Variants in ESRP1 observed in about 807,000 individuals in gnomAD.
ESRP1 encodes RNA-binding motif protein 35A.
A neutral mutation model predicts 81.7 loss-of-function variants in ESRP1; 33 were observed. The ratio of observed to expected loss-of-function variants is 0.40; its 90% confidence interval spans 0.31 to 0.54. ESRP1 has a LOEUF of 0.54. ESRP1 is among the 20% of genes least tolerant of loss of function. The pLI is 0.41. For synonymous variants in ESRP1, 320 were observed against 303.3 expected, an observed-to-expected ratio of 1.06 and a Z score of -0.57; for missense variants, 672 against 833.1, an observed-to-expected ratio of 0.81 and a Z score of 2.38.
chr8:94,691,193 A>G (rs188838851), intron 13 of ESRP1, among the ~76,000 whole-genome samples: 176 of 152,232 alleles, frequency 1.2e-3, no homozygotes, highest in African/African-American at 4.1e-3. Flanking sequence ...ATTTATATCA[A>G]TGTCTGGGTT....
At chr8:94,646,091 T>C in intron 3 of ESRP1, 77 bp from the exon 4 acceptor site, 1 of 742,826 alleles carries the variant, frequency 1.3e-6, no homozygotes, top group Non-Finnish European at 2.2e-6. Flanking sequence ...TTATATTCAA[T>C]TTTTAGGTTC....
chr8:94,691,570 T>C (rs180888698), intron 13 of ESRP1, among the ~76,000 whole-genome samples: 1 of 152,278 alleles, frequency 6.6e-6, no homozygotes, highest in Admixed American at 6.5e-5. Flanking sequence ...ATGAAGGAAT[T>C]AAGTGATTTA....
At chr8:94,699,804 C>T (rs965655431) in intron 15 of ESRP1, among the ~76,000 whole-genome samples, 2 of 152,050 alleles carry the variant, frequency 1.3e-5, no homozygotes, top group African/African-American at 4.8e-5. Context: ...ATAATCTCAC[C>T]ACCCAGAAAC....
chr8:94,696,803 T>G (rs778419092), intron 14 of ESRP1, 49 bp from the exon 15 acceptor site: 1 of 1,370,486 alleles, frequency 7.3e-7, no homozygotes. Flanking sequence ...TTATCCATAG[T>G]GACAGTTTGT....
intron 13 of ESRP1, 84 bp downstream of exon 13, chr8:94,678,455 T>C: frequency 6.8e-7 from 1 of 1,479,322 alleles, no homozygotes; most frequent in Admixed American, 2.1e-5. Context: ...AAAAGAATAT[T>C]GTCTGCCATG....
intron 4 of ESRP1, among the ~76,000 whole-genome samples, chr8:94,649,205 TA>T (rs1306248408): frequency 6.6e-6 from 1 of 151,864 alleles, no homozygotes; most frequent in African/African-American, 2.4e-5. Flanking sequence ...GAGTGAGATT[TA>T]AAAAAAAATT....
At chr8:94,673,302 C>T (rs554866871) in intron 11 of ESRP1, among the ~76,000 whole-genome samples, 1 of 152,276 alleles carries the variant, frequency 6.6e-6, no homozygotes, top group African/African-American at 2.4e-5. Context: ...CTCTCTTTGC[C>T]TCATGTGACC....
intron 4 of ESRP1, among the ~76,000 whole-genome samples, chr8:94,657,953 C>T (rs565381678): frequency 2.7e-4 from 41 of 152,284 alleles, no homozygotes; most frequent in South Asian, 4.1e-4. Context: ...CTCTGTTACC[C>T]GGGCTGGAGT....
intron 3 of ESRP1, 93 bp from the exon 4 acceptor site, chr8:94,646,075 A>G: frequency 1.6e-6 from 1 of 643,698 alleles, no homozygotes; most frequent in Admixed American, 3.1e-5. Context: ...CCATTGTAAA[A>G]TATGCTTATA....
At chr8:94,661,293 C>T (rs1017080980) in intron 4 of ESRP1, among the ~76,000 whole-genome samples, 13 of 152,166 alleles carry the variant, frequency 8.5e-5, no homozygotes, top group Non-Finnish European at 1.3e-4. Context: ...CCTCCCGCCT[C>T]GGCATCCCAA....
chr8:94,671,338 TG>T (rs1819312185), intron 10 of ESRP1, 114 bp from the exon 11 acceptor site: 4 of 737,182 alleles, frequency 5.4e-6, no homozygotes, highest in Admixed American at 6.2e-5. Context: ...TTATTAGGTC[TG>T]GGGTGAGCTG....
rs1819324093 is a variant in ESRP1 at position 94,671,504 on chromosome 8, A to G, written c.1285A>G (p.Ile429Val). The change falls in exon 11 of 16, where the codon ATT becomes GTT. Residue 429 changes from isoleucine (I) to valine (V), a missense_variant. Physicochemically the swap from Ile to Val is conservative, Grantham distance 29 (BLOSUM62 3). Coordinates refer to ENST00000433389, the MANE Select transcript of ESRP1 (RefSeq NM_017697.4). ...TCTCATTCCACTTCCAACCCCTCCCATTATTCCAGTACTACCTCAGCAATT... is the reference window on the plus strand; with the variant it reads ...TCTCATTCCACTTCCAACCCCTCCCGTTATTCCAGTACTACCTCAGCAATT... ...APLIPLPTPP[I>V]IPVLPQQFVP... is the part of the protein sequence containing the mutation. The G allele has an allele frequency of 6.2e-7, 1 of 1,613,750 alleles. No individual in the cohort carries two copies. Among genetic ancestry groups the G allele is most frequent in the South Asian group, 1.1e-5 (1 of 91,058 alleles).
chr8:94,666,961 G>A (rs1370594678), intron 9 of ESRP1, among the ~76,000 whole-genome samples: 1 of 152,168 alleles, frequency 6.6e-6, no homozygotes, highest in Non-Finnish European at 1.5e-5. Flanking sequence ...CCAGCACTTT[G>A]GAAGGCCAAG....
At chr8:94,657,930 C>T (rs10808670) in intron 4 of ESRP1, among the ~76,000 whole-genome samples, 3 of 151,910 alleles carry the variant, frequency 2.0e-5, no homozygotes, top group Non-Finnish European at 4.4e-5. Flanking sequence ...GGTTTGTTTG[C>T]GATGGAGTCT....
At chr8:94,662,072 A>C (rs555745782) in intron 4 of ESRP1, among the ~76,000 whole-genome samples, 200 bp from the exon 5 acceptor site, 1 of 152,264 alleles carries the variant, frequency 6.6e-6, no homozygotes, top group East Asian at 1.9e-4. Context: ...TCAGCACTGG[A>C]TTGATTTGCC....
At position 94,704,766 on chromosome 8, in the gene ESRP1, GAAAAAA is replaced by G. The variant is rs10618511; in HGVS notation, c.*36-1137_*36-1132del. ...ACAATGCAAGGCACCATCTCTTTTT[GAAAAAA>G]AAAAAAAAAAAAAAAAAAAAACTGC... On this transcript the variant is annotated intron_variant, in intron 15 of 15. Transcript: ENST00000433389. Among the ~76,000 whole-genome samples, 114 of 108,758 alleles carry G rather than the reference GAAAAAA, an allele frequency of 1.0e-3. 3 individuals carry two copies. The highest frequency in any genetic ancestry group is 0.011 in the Middle Eastern group (2 of 174). The allele number at this position is 108,758 out of a possible 152,430, so 71.3% of individuals were successfully genotyped here.
At chr8:94,674,232 C>A in intron 11 of ESRP1, 76 bp from the exon 12 acceptor site, 2 of 1,489,668 alleles carry the variant, frequency 1.3e-6, no homozygotes, top group Non-Finnish European at 1.8e-6. Flanking sequence ...TGTCACTTTG[C>A]ATGTTTTGTA....
chr8:94,682,629 T>C (rs1808936659), intron 13 of ESRP1, among the ~76,000 whole-genome samples: 1 of 96,302 alleles, frequency 1.0e-5, no homozygotes, highest in Non-Finnish European at 2.6e-5. Flanking sequence ...AGCCTCCCAA[T>C]GTGCTGGGAT....
chr8:94,692,904 A>G, intron 14 of ESRP1, 77 bp downstream of exon 14: 2 of 1,462,334 alleles, frequency 1.4e-6, no homozygotes, highest in Non-Finnish European at 1.9e-6. Flanking sequence ...CAGCCAGGAA[A>G]GAAACAGATT....
Sources: allele counts gnomAD v4.1 joint callset (sites outside exome capture counted in the v4.1 genomes callset), GRCh38; gene constraint gnomAD v4.1.1; transcripts MANE v1.5; gene names NCBI Gene and HGNC (gene_info 2026-07-23, HGNC 2026-07-21).